PGR: variants seen among roughly 807,000 people sequenced by gnomAD.
PGR encodes nuclear receptor subfamily 3 group C member 3.
Under a neutral mutation model 76.1 loss-of-function variants are expected in PGR, and 25 were observed. That is an observed-to-expected ratio of 0.33 (90% CI 0.24 to 0.46). The LOEUF is 0.46. Among genes scored for constraint, PGR ranks in the 20% least tolerant of loss-of-function variants. The probability of loss-of-function intolerance (pLI) is 1.00; values close to 1 mark genes in which losing one functional copy is unlikely to be tolerated. For synonymous variants in PGR, 579 were observed against 535.0 expected (o/e 1.08, Z -1.14); for missense variants, 1,172 against 1,225.3 (o/e 0.96, Z 0.65).
At chr11:101,045,501 A>G (rs919458614) in intron 6 of PGR, among the ~76,000 whole-genome samples, 2 of 152,070 alleles carry the variant, frequency 1.3e-5, no homozygotes, top group Admixed American at 1.3e-4. Flanking sequence ...TCTATACTCT[A>G]TGCCCATGTA....
intron 2 of PGR, among the ~76,000 whole-genome samples, chr11:101,106,680 A>G (rs950108963): frequency 6.6e-6 from 1 of 152,224 alleles, no homozygotes; most frequent in Non-Finnish European, 1.5e-5. Flanking sequence ...ATCTAGAACT[A>G]GAATTACCAT....
At chr11:101,091,960 T>C in intron 2 of PGR, 84 bp from the exon 3 acceptor site, 2 of 748,150 alleles carry the variant, frequency 2.7e-6, no homozygotes, top group South Asian at 2.9e-5. Flanking sequence ...AAATAGAGAC[T>C]AGATACACAT....
intron 3 of PGR, chr11:101,064,054 G>C (rs1033295433): frequency 2.6e-5 from 4 of 152,068 alleles, no homozygotes; most frequent in African/African-American, 9.7e-5. Context: ...GAATGGCCAG[G>C]CATGGTGAGC....
intron 6 of PGR, among the ~76,000 whole-genome samples, chr11:101,046,732 CCAAA>C (rs1859901046): frequency 1.3e-5 from 2 of 151,964 alleles, no homozygotes; most frequent in Admixed American, 6.6e-5. Flanking sequence ...AGCTACATAT[CCAAA>C]CAGTTTTTTT....
chr11:101,117,751 G>C (rs1489132859), intron 2 of PGR, among the ~76,000 whole-genome samples: 1 of 152,034 alleles, frequency 6.6e-6, no homozygotes, highest in Non-Finnish European at 1.5e-5. Context: ...TAAAGGCTTT[G>C]AATAAATCTT....
chr11:101,059,507 G>A (rs886810492), intron 4 of PGR, among the ~76,000 whole-genome samples: 1 of 152,028 alleles, frequency 6.6e-6, no homozygotes, highest in Non-Finnish European at 1.5e-5. Flanking sequence ...TAAACGTGCT[G>A]ACATAAGGCT....
At chr11:101,048,658 G>A (rs1416994330) in intron 6 of PGR, among the ~76,000 whole-genome samples, 1 of 152,152 alleles carries the variant, frequency 6.6e-6, no homozygotes. Context: ...TGCAGGACTG[G>A]AAGTTGCTCT....
At chr11:101,082,012 C>T (rs959327522) in intron 3 of PGR, among the ~76,000 whole-genome samples, 1 of 152,068 alleles carries the variant, frequency 6.6e-6, no homozygotes, top group East Asian at 1.9e-4. Context: ...TGGGGAGGGA[C>T]CTGATGGGAG....
intron 3 of PGR, among the ~76,000 whole-genome samples, chr11:101,076,320 G>GT (rs1055083287): frequency 1.3e-5 from 2 of 150,928 alleles, no homozygotes; most frequent in African/African-American, 4.9e-5. Flanking sequence ...CTGTCGGGGG[G>GT]TGGGGGGCTA....
At chr11:101,122,387 G>T (rs1167056146) in intron 2 of PGR, among the ~76,000 whole-genome samples, 3 of 152,220 alleles carry the variant, frequency 2.0e-5, no homozygotes, top group African/African-American at 7.2e-5. Context: ...TCTACTGGAT[G>T]CCTAGTATAT....
At chr11:101,048,724 C>T (rs1358913471) in intron 6 of PGR, among the ~76,000 whole-genome samples, 1 of 152,146 alleles carries the variant, frequency 6.6e-6, no homozygotes, top group Non-Finnish European at 1.5e-5. Flanking sequence ...CATTACTATA[C>T]ACTACGATAG....
chr11:101,061,660 A>T (rs1860503291), intron 4 of PGR, among the ~76,000 whole-genome samples: 1 of 152,186 alleles, frequency 6.6e-6, no homozygotes, highest in African/African-American at 2.4e-5. Context: ...GTAGTTTTTT[A>T]AAAAGTTCTA....
intron 6 of PGR, 27 bp downstream of exon 6, chr11:101,049,902 T>C (rs1054647214): frequency 1.3e-6 from 2 of 1,586,774 alleles, no homozygotes; most frequent in African/African-American, 1.3e-5. Context: ...CTAGATATCT[T>C]GCATTAAGTT....
At chr11:101,111,570 T>C (rs1014044298) in intron 2 of PGR, among the ~76,000 whole-genome samples, 1 of 152,156 alleles carries the variant, frequency 6.6e-6, no homozygotes, top group Non-Finnish European at 1.5e-5. Context: ...CTAGCTGAAA[T>C]GCCATTTCTG....
chr11:101,125,429 T>C (rs951416564), intron 2 of PGR, among the ~76,000 whole-genome samples: 4 of 152,222 alleles, frequency 2.6e-5, no homozygotes, highest in Admixed American at 1.3e-4. Flanking sequence ...TGTCCTCTTA[T>C]ACACTTACAA....
At position 101,035,671 on chromosome 11, in the gene PGR, T is replaced by C; in HGVS notation, c.*3445A>G. ...TAAAATCAGTGTCATTATTTTAAAA[T>C]GTCTACAATGGAAGAGTGATAGGCT... On this transcript the variant is annotated 3_prime_UTR_variant, in exon 8 of 8. Coordinates refer to ENST00000325455, the MANE Select transcript of PGR (RefSeq NM_000926.4). 4.3e-6 allele frequency: 1 copy of C among 232,124 alleles called. No homozygotes were observed. Among genetic ancestry groups the C allele is most frequent in the Admixed American group, 5.6e-5 (1 of 17,770 alleles). 14.4% of individuals were successfully genotyped at this position (232,124 alleles called of 1,614,324 possible).
chr11:101,043,167 T>C lies in PGR; in HGVS notation c.2489-1065A>G, dbSNP rs112660009. Among the ~76,000 whole-genome samples the C allele has an allele frequency of 9.1e-3, 1,386 of 152,324 alleles. 21 individuals are homozygous for C. The highest frequency in any genetic ancestry group is 0.03 in the African/African-American group (1,231 of 41,576). On this transcript the variant is annotated intron_variant, in intron 6 of 7. Transcript: ENST00000325455. ...CATAATTGGAGTCAATCCTCTTAAG[T>C]CCTGCTGCTGCATTATCAACTAAGT... is the stretch of plus-strand genomic sequence containing the variant.
At chr11:101,115,216 C>T (rs1862464672) in intron 2 of PGR, among the ~76,000 whole-genome samples, 1 of 152,030 alleles carries the variant, frequency 6.6e-6, no homozygotes, top group Non-Finnish European at 1.5e-5. Context: ...ACAATTCTTG[C>T]TATCAAAAAT....
intron 2 of PGR, among the ~76,000 whole-genome samples, chr11:101,103,039 C>T (rs1862044877): frequency 6.6e-6 from 1 of 151,670 alleles, no homozygotes; most frequent in African/African-American, 2.4e-5. Context: ...GGAGGTGCAG[C>T]TCAGGCAGTA....
Sources: gnomAD v4.1 joint callset for allele counts (sites outside exome capture counted in the v4.1 genomes callset) on GRCh38, gnomAD v4.1.1 for gene constraint, MANE v1.5 for transcripts, NCBI Gene and HGNC (gene_info 2026-07-23, HGNC 2026-07-21) for gene names.